The following ACYP2 variants were observed in gnomAD, a reference collection of about 807,000 sequenced individuals.
The protein encoded by ACYP2 is acylphosphatase-2.
A neutral mutation model predicts 11.2 loss-of-function variants in ACYP2; 12 were observed. That is an observed-to-expected ratio of 1.08 (90% CI 0.69 to 1.74). ACYP2 has a LOEUF of 1.74. ACYP2 is among the 40% of genes most tolerant of loss of function. The probability of loss-of-function intolerance (pLI) is 0.00; values close to 1 mark genes in which losing one functional copy is unlikely to be tolerated. For synonymous variants in ACYP2, 43 were observed against 32.2 expected (o/e 1.33, Z -1.13); for missense variants, 134 against 101.9 (o/e 1.31, Z -1.35).
chr2:54,011,320 A>G (rs1673360237), intron 2 of ACYP2, among the ~76,000 whole-genome samples: 1 of 152,044 alleles, frequency 6.6e-6, no homozygotes, highest in Non-Finnish European at 1.5e-5. Flanking sequence ...CGTAATTTTT[A>G]TTTCCTTAGA....
intron 6 of ACYP2, among the ~76,000 whole-genome samples, chr2:54,190,036 C>G (rs62138035): frequency 6.6e-6 from 1 of 152,056 alleles, no homozygotes. Context: ...GTCCCTTTGC[C>G]TATTTTAAAA....
chr2:54,184,816 C>T (rs1683899010), intron 6 of ACYP2, among the ~76,000 whole-genome samples: 2 of 150,882 alleles, frequency 1.3e-5, no homozygotes, highest in Admixed American at 6.6e-5. Flanking sequence ...AATATCAATT[C>T]ATTTCAAATT....
chr2:54,072,133 C>A (rs559414192), intron 4 of ACYP2, among the ~76,000 whole-genome samples: 1 of 152,056 alleles, frequency 6.6e-6, no homozygotes, highest in South Asian at 2.1e-4. Flanking sequence ...AAGTGCAAAC[C>A]TGTAATCTGA....
chr2:54,003,283 G>T (rs1204601563), intron 2 of ACYP2, among the ~76,000 whole-genome samples: 2 of 151,380 alleles, frequency 1.3e-5, no homozygotes, highest in Non-Finnish European at 2.9e-5. Flanking sequence ...TATTGAGACA[G>T]AGTTTCACTC....
intron 4 of ACYP2, 115 bp downstream of exon 1, chr2:54,115,871 G>T (rs1014028329): frequency 4.8e-5 from 62 of 1,304,466 alleles, no homozygotes; most frequent in Non-Finnish European, 6.1e-5. Context: ...TGGGACTTCC[G>T]CTCCGCCATG....
At chr2:53,994,909 A>G (rs1018683326) in intron 2 of ACYP2, among the ~76,000 whole-genome samples, 1 of 152,156 alleles carries the variant, frequency 6.6e-6, no homozygotes, top group African/African-American at 2.4e-5. Context: ...ATAGTGTAAG[A>G]TGGTCTGTCA....
At chr2:54,193,540 A>G (rs1397596835) in intron 6 of ACYP2, among the ~76,000 whole-genome samples, 1 of 152,240 alleles carries the variant, frequency 6.6e-6, no homozygotes, top group Non-Finnish European at 1.5e-5. Context: ...CTCAAAAGAT[A>G]AAATAAAAAT....
intron 1 of ACYP2, among the ~76,000 whole-genome samples, chr2:53,972,878 G>C (rs1269484760): frequency 6.6e-6 from 1 of 152,234 alleles, no homozygotes; most frequent in Non-Finnish European, 1.5e-5. Context: ...GAATGCCTAT[G>C]GGATGGGTAT....
At chr2:53,995,466 ATTT>A (rs147144372) in intron 2 of ACYP2, among the ~76,000 whole-genome samples, 7 of 148,080 alleles carry the variant, frequency 4.7e-5, no homozygotes, top group African/African-American at 1.8e-4. Flanking sequence ...CAATGCTATT[ATTT>A]TTTATTTATT....
At chr2:54,046,945 C>G (rs933142376) in intron 2 of ACYP2, among the ~76,000 whole-genome samples, 1 of 152,186 alleles carries the variant, frequency 6.6e-6, no homozygotes, top group Non-Finnish European at 1.5e-5. Context: ...TATTTAACCT[C>G]TTTTCATCAG....
At chr2:54,265,746 A>G (rs970189026) in intron 6 of ACYP2, among the ~76,000 whole-genome samples, 1 of 152,232 alleles carries the variant, frequency 6.6e-6, no homozygotes, top group Non-Finnish European at 1.5e-5. Context: ...TAGTTACTAA[A>G]TAACCTTGGG....
At chr2:54,089,109 A>G (rs1365493637) in intron 4 of ACYP2, among the ~76,000 whole-genome samples, 1 of 152,214 alleles carries the variant, frequency 6.6e-6, no homozygotes, top group Non-Finnish European at 1.5e-5. Context: ...GAGTTGAGAA[A>G]GTTTGTTCTA....
chr2:54,299,614 GA>G (rs958779813), intron 6 of ACYP2, among the ~76,000 whole-genome samples: 39 of 148,444 alleles, frequency 2.6e-4, no homozygotes, highest in South Asian at 1.1e-3. Flanking sequence ...AAAAAGAAAA[GA>G]AAAAAAAGAA....
At chr2:54,219,903 A>ATTTTTTTTT (rs1240349827) in intron 6 of ACYP2, among the ~76,000 whole-genome samples, 1 of 100,450 alleles carries the variant, frequency 1.0e-5, no homozygotes, top group Non-Finnish European at 2.0e-5. Context: ...ATATATATAT[A>ATTTTTTTTT]TATTTTTTTT....
intron 6 of ACYP2, among the ~76,000 whole-genome samples, chr2:54,180,261 T>C (rs937470286): frequency 6.6e-6 from 1 of 152,166 alleles, no homozygotes; most frequent in Non-Finnish European, 1.5e-5. Flanking sequence ...TTTTAATTTT[T>C]TTTAATGGAG....
At chr2:54,190,472 C>A (rs1157109595) in intron 6 of ACYP2, among the ~76,000 whole-genome samples, 1 of 152,132 alleles carries the variant, frequency 6.6e-6, no homozygotes, top group African/African-American at 2.4e-5. Context: ...CTGATGACCT[C>A]CAAGTGTTAA....
intron 5 of ACYP2, among the ~76,000 whole-genome samples, chr2:54,136,674 A>G (rs917364253): frequency 2.0e-5 from 3 of 152,174 alleles, no homozygotes; most frequent in Non-Finnish European, 1.5e-5. Context: ...GGAGAAGAGT[A>G]TGTTTTTGAA....
At chr2:54,254,703 GATGTTA>G (rs1265877013) in intron 6 of ACYP2, 1 of 549,220 alleles carries the variant, frequency 1.8e-6, no homozygotes, top group East Asian at 2.9e-5. Context: ...GGGAGCATGT[GATGTTA>G]ATGCAGAATA....
At chr2:54,171,580 C>G (rs553973903) in intron 6 of ACYP2, among the ~76,000 whole-genome samples, 1 of 152,276 alleles carries the variant, frequency 6.6e-6, no homozygotes, top group East Asian at 1.9e-4. Context: ...CTGTTGTTTT[C>G]TTTGCTCATG....
Sources: allele counts gnomAD v4.1 joint callset (sites outside exome capture counted in the v4.1 genomes callset), GRCh38; gene constraint gnomAD v4.1.1; transcripts MANE v1.5; gene names NCBI Gene and HGNC (gene_info 2026-07-23, HGNC 2026-07-21).